NUP98: variants seen among roughly 807,000 people sequenced by gnomAD.
NUP98 encodes the protein nuclear pore complex protein Nup98-Nup96.
In NUP98, 26 loss-of-function variants were observed where a neutral mutation model predicts 191.9. The observed-to-expected ratio is 0.14, with a 90% CI of 0.10 to 0.19. The LOEUF is 0.19. NUP98 is among the 10% of genes least tolerant of loss of function. NUP98 has a pLI of 1.00. For missense variants in NUP98, 1,941 were observed against 2,178.8 expected, an observed-to-expected ratio of 0.89 and a Z score of 2.17; for synonymous variants, 808 against 778.4, an observed-to-expected ratio of 1.04 and a Z score of -0.63.
At chr11:3,714,564 A>T (rs527811377) in intron 18 of NUP98, among the ~76,000 whole-genome samples, 10 of 152,122 alleles carry the variant, frequency 6.6e-5, no homozygotes, top group African/African-American at 2.4e-4. Flanking sequence ...GCTGCTCTCC[A>T]TTTCCTGCTT....
chr11:3,675,695 C>G lies in NUP98; in HGVS notation c.*464G>C, dbSNP rs563454376. ...GTTAACTAACCAATTACTTAAGAGA[C>G]GGATCCCTCTTCCTTCTGTGGATAG... On this transcript the variant is annotated 3_prime_UTR_variant, in exon 33 of 33. Coordinates refer to ENST00000324932, the MANE Select transcript of NUP98 (RefSeq NM_016320.5). 9 of 247,034 alleles carry G rather than the reference C, an allele frequency of 3.6e-5. No homozygotes were observed. Among genetic ancestry groups the G allele is most frequent in the Admixed American group, 4.8e-5 (1 of 20,754 alleles). The allele number at this position is 247,034 out of a possible 1,614,324, so 15.3% of individuals were successfully genotyped here. A position where few individuals can be genotyped will look rare whatever the true frequency, so the allele number is the denominator to read the frequency against.
chr11:3,723,511 A>C, intron 15 of NUP98, 56 bp from the exon 16 acceptor site: 1 of 1,440,528 alleles, frequency 6.9e-7, no homozygotes, highest in East Asian at 2.3e-5. Flanking sequence ...AACAATGATA[A>C]TAGCTAACTA....
chr11:3,742,212 A>G (rs986982468), intron 12 of NUP98, among the ~76,000 whole-genome samples: 3 of 152,182 alleles, frequency 2.0e-5, no homozygotes, highest in Non-Finnish European at 2.9e-5. Context: ...GAAGTCAGTA[A>G]GCGGTGGTAA....
chr11:3,772,877 C>T (rs952985773), intron 6 of NUP98, among the ~76,000 whole-genome samples: 1 of 151,548 alleles, frequency 6.6e-6, no homozygotes, highest in East Asian at 1.9e-4. Context: ...ACTAGGGAGG[C>T]TGAGGCACGA....
chr11:3,761,976 A>T (rs1338412227), intron 9 of NUP98, among the ~76,000 whole-genome samples: 3 of 151,964 alleles, frequency 2.0e-5, no homozygotes, highest in Non-Finnish European at 4.4e-5. Flanking sequence ...ACAACAACAG[A>T]AGTACTAGAA....
intron 10 of NUP98, among the ~76,000 whole-genome samples, chr11:3,758,268 C>T (rs1426331745): frequency 6.6e-6 from 1 of 151,600 alleles, no homozygotes; most frequent in Non-Finnish European, 1.5e-5. Context: ...TTGCAGTGAG[C>T]CCATATCTGG....
intron 12 of NUP98, among the ~76,000 whole-genome samples, chr11:3,736,576 C>T (rs1022935301): frequency 5.3e-5 from 8 of 152,242 alleles, no homozygotes; most frequent in Middle Eastern, 3.4e-3. Flanking sequence ...TTCAGTGAGC[C>T]GAGATCGCGC....
At chr11:3,771,418 C>A (rs571165172) in intron 7 of NUP98, among the ~76,000 whole-genome samples, 2 of 152,246 alleles carry the variant, frequency 1.3e-5, no homozygotes, top group Admixed American at 1.3e-4. Flanking sequence ...CTTGCCCTCT[C>A]TTCAAATGGC....
intron 1 of NUP98, among the ~76,000 whole-genome samples, chr11:3,791,524 ACCT>A (rs2082347876): frequency 1.8e-5 from 2 of 113,336 alleles, no homozygotes; most frequent in African/African-American, 7.4e-5. Flanking sequence ...AAAGACCGAG[ACCT>A]CGTCTCAAAA....
chr11:3,753,142 A>AT (rs1220947780), intron 11 of NUP98, among the ~76,000 whole-genome samples, 174 bp downstream of exon 11: 1 of 152,234 alleles, frequency 6.6e-6, no homozygotes, highest in Non-Finnish European at 1.5e-5. Context: ...AAACATGCCA[A>AT]TATTTTAAAG....
At position 3,676,306 on chromosome 11, in the gene NUP98, G is replaced by A. The variant is rs779839109; in HGVS notation, c.5256C>T (p.Ser1752=). The A allele has an allele frequency of 5.2e-5, 84 of 1,613,970 alleles. No individual in the cohort carries two copies. The highest frequency in any genetic ancestry group is 6.8e-5 in the Non-Finnish European group (80 of 1,179,994). The change falls in exon 33 of 33, where the codon TCC becomes TCT. Residue 1752 remains serine (S), a synonymous_variant. Transcript: ENST00000324932. ...CTCGCTGAGGGTCTGGTGTTGAGTCGGAGGTTCTATCAGGAGGATGATGCA... is the reference window on the plus strand; with the variant it reads ...CTCGCTGAGGGTCTGGTGTTGAGTCAGAGGTTCTATCAGGAGGATGATGCA... The part of the protein sequence containing the change: ...LSLHHPPDRT[S]DSTPDPQRVP...
intron 11 of NUP98, among the ~76,000 whole-genome samples, chr11:3,747,071 G>C (rs7101445): frequency 0.56 from 85,626 of 152,004 alleles, 24,786 homozygotes; most frequent in African/African-American, 0.72. Flanking sequence ...AATGAAAGAA[G>C]TAATGGTCCA....
In NUP98 at chr11:3,793,114, AAAAC is replaced by A. The variant is rs2082411021; in HGVS notation, c.-29+4282_-29+4285del. Reference sequence around the variant, plus strand: ...CGACAGAGCACGACTCCGTCTCAAAAAAACAAACAAATAAAAAGGTTTGACTGTA... The same window carrying A: ...CGACAGAGCACGACTCCGTCTCAAAAAAACAAATAAAAAGGTTTGACTGTA... On this transcript the variant is annotated intron_variant, in intron 1 of 32. Coordinates refer to ENST00000324932, the MANE Select transcript of NUP98 (RefSeq NM_016320.5). 2.6e-5 allele frequency among the ~76,000 whole-genome samples: 4 copies of A among 152,302 alleles called. No homozygotes were observed. In the South Asian group the frequency reaches 8.3e-4, roughly 32 times the overall value.
At chr11:3,790,207 C>G (rs998910565) in intron 1 of NUP98, among the ~76,000 whole-genome samples, 1 of 152,322 alleles carries the variant, frequency 6.6e-6, no homozygotes, top group African/African-American at 2.4e-5. Flanking sequence ...GTTCCCTTCA[C>G]GAACAGACCA....
chr11:3,713,463 A>AT (rs748183065), intron 19 of NUP98, among the ~76,000 whole-genome samples: 2 of 152,186 alleles, frequency 1.3e-5, no homozygotes, highest in Non-Finnish European at 1.5e-5. Context: ...TACACCTGTA[A>AT]TCACAGTACT....
chr11:3,758,023 T>C (rs536911805), intron 10 of NUP98, among the ~76,000 whole-genome samples: 1 of 149,880 alleles, frequency 6.7e-6, no homozygotes, highest in South Asian at 2.1e-4. Context: ...GAGATGATGA[T>C]TAAGAAAAAA....
At chr11:3,780,910 T>A (rs1372510122) in intron 2 of NUP98, among the ~76,000 whole-genome samples, 1 of 151,722 alleles carries the variant, frequency 6.6e-6, no homozygotes. Flanking sequence ...TGAAACCCCA[T>A]CCCTATTAAA....
intron 14 of NUP98, among the ~76,000 whole-genome samples, chr11:3,725,441 T>C (rs144265552): frequency 6.6e-6 from 1 of 152,342 alleles, no homozygotes; most frequent in African/African-American, 2.4e-5. Flanking sequence ...AGAATAAAGC[T>C]GAACACCTTC....
intron 11 of NUP98, among the ~76,000 whole-genome samples, chr11:3,752,717 A>C (rs2080810142): frequency 6.6e-6 from 1 of 152,158 alleles, no homozygotes. Flanking sequence ...TAAACAACCT[A>C]GTTTTACTGT....
Sources: allele counts gnomAD v4.1 joint callset (sites outside exome capture counted in the v4.1 genomes callset), GRCh38; gene constraint gnomAD v4.1.1; transcripts MANE v1.5; gene names NCBI Gene and HGNC (gene_info 2026-07-23, HGNC 2026-07-21).